Variants in CELF1 observed in about 807,000 individuals in gnomAD.
CELF1 encodes 50 kDa nuclear polyadenylated RNA-binding protein.
In CELF1, 10 loss-of-function variants were observed where a neutral mutation model predicts 61.8. The observed-to-expected ratio is 0.16, with a 90% CI of 0.10 to 0.27. The LOEUF is 0.27. Among genes scored for constraint, CELF1 ranks in the 10% least tolerant of loss-of-function variants. The pLI is 1.00. For missense variants in CELF1, 380 were observed against 639.1 expected (o/e 0.59, Z 4.37); for synonymous variants, 236 against 225.1 (o/e 1.05, Z -0.43).
chr11:47,478,037 C>T (rs563163751), intron 10 of CELF1, among the ~76,000 whole-genome samples: 2 of 151,804 alleles, frequency 1.3e-5, no homozygotes, highest in South Asian at 2.1e-4. Flanking sequence ...ACTGTGCTGT[C>T]GCTGCTGCAA....
Position 47,553,026 on chromosome 11 carries a change from T to TGCTGCCTGCGCCTCC in CELF1, c.-203_-189dup. On this transcript the variant is annotated 5_prime_UTR_variant, in exon 1 of 15. Transcript: ENST00000687097. ...CACCTGAGCCTGCCGCTGCCTCAGT[T>TGCTGCCTGCGCCTCC]GCTGCCTGCGCCTCCGCAGCCGCCG... is the stretch of plus-strand genomic sequence containing the variant. 2.5e-6 allele frequency: 1 copy of TGCTGCCTGCGCCTCC among 399,100 alleles called. No individual in the cohort carries two copies. The highest frequency in any genetic ancestry group is 4.4e-6 in the Non-Finnish European group (1 of 226,512). 24.7% of individuals were successfully genotyped at this position (399,100 alleles called of 1,614,324 possible).
intron 8 of CELF1, among the ~76,000 whole-genome samples, 172 bp from the exon 9 acceptor site, chr11:47,483,028 G>A (rs1324979756): frequency 6.6e-6 from 1 of 152,152 alleles, no homozygotes; most frequent in Non-Finnish European, 1.5e-5. Context: ...TTGGGAGGCT[G>A]AGGCGGGTGG....
In CELF1 at chr11:47,532,505, C is replaced by T. The variant is rs10160313; in HGVS notation, c.-154+20487G>A. ...AGGATGCTGTAGAAGGGATTCCTTC[C>T]ATGGATAGAAAGTTTCTCTGCATAA... On this transcript the variant is annotated intron_variant, in intron 1 of 14. Coordinates refer to ENST00000687097, the MANE Select transcript of CELF1 (RefSeq NM_001376376.1). Among the ~76,000 whole-genome samples, 100 of 152,336 alleles carry T rather than the reference C, an allele frequency of 6.6e-4. 3 individuals are homozygous for T. The East Asian group carries it at 0.018, about 28-fold the overall frequency.
chr11:47,469,025 G>T lies in CELF1; in HGVS notation c.*3205C>A, dbSNP rs1313836759. 6.6e-6 allele frequency: 1 copy of T among 152,242 alleles called. No individual in the cohort carries two copies. Among genetic ancestry groups the T allele is most frequent in the East Asian group, 1.9e-4 (1 of 5,202 alleles). 9.4% of individuals were successfully genotyped at this position (152,242 alleles called of 1,614,324 possible). ...AAATGAGGTGGGCGGGCAGGGGTTGGGTAATGACAGGGAACTTTTGCACAT... is the reference window on the plus strand; with the variant it reads ...AAATGAGGTGGGCGGGCAGGGGTTGTGTAATGACAGGGAACTTTTGCACAT... On this transcript the variant is annotated 3_prime_UTR_variant, in exon 15 of 15. Coordinates refer to ENST00000687097, the MANE Select transcript of CELF1 (RefSeq NM_001376376.1).
chr11:47,476,267 T>TA (rs1320147094), intron 12 of CELF1, among the ~76,000 whole-genome samples: 1 of 152,134 alleles, frequency 6.6e-6, no homozygotes. Flanking sequence ...GCTGGGACTA[T>TA]AGGTATGAGC....
At chr11:47,533,650 A>ACATACATG (rs1382969551) in intron 1 of CELF1, among the ~76,000 whole-genome samples, 2 of 151,288 alleles carry the variant, frequency 1.3e-5, no homozygotes, top group Non-Finnish European at 2.9e-5. Flanking sequence ...ATACATACAT[A>ACATACATG]CATACATAAA....
In CELF1 at chr11:47,477,378, C is replaced by T. The variant is rs1596175638; in HGVS notation, c.892G>A (p.Ala298Thr). ...LQNLAALAAA[A>T]SAAQNTPSGT... The stretch of plus-strand genomic sequence containing the variant: ...CTTGGTGTGTTCTGAGCTGCACTAG[C>T]TGCAGCAGCTAGTGCAGCCAAATTC... Residue 298 changes from alanine (A) to threonine (T), a missense_variant, in exon 11 of 15, where the codon GCT becomes ACT. Transcript: ENST00000687097. 6.2e-7 allele frequency: 1 copy of T among 1,612,768 alleles called. No homozygotes were observed. Among genetic ancestry groups the T allele is most frequent in the Non-Finnish European group, 8.5e-7 (1 of 1,178,780 alleles).
At chr11:47,512,455 T>C (rs1318238775) in intron 1 of CELF1, among the ~76,000 whole-genome samples, 1 of 139,814 alleles carries the variant, frequency 7.2e-6, no homozygotes, top group Non-Finnish European at 1.5e-5. Flanking sequence ...GCCCAGAATT[T>C]TTTTTTTTTT....
At chr11:47,548,564 G>A (rs918977501) in intron 1 of CELF1, among the ~76,000 whole-genome samples, 1 of 152,072 alleles carries the variant, frequency 6.6e-6, no homozygotes, top group Non-Finnish European at 1.5e-5. Flanking sequence ...CTAATAAGGG[G>A]TTAATATCCA....
intron 2 of CELF1, among the ~76,000 whole-genome samples, chr11:47,561,724 C>T (rs2097226158): frequency 6.6e-6 from 1 of 152,094 alleles, no homozygotes; most frequent in African/African-American, 2.4e-5. Context: ...TGCAAATGTT[C>T]CCAGCAGCAT....
intron 1 of CELF1, among the ~76,000 whole-genome samples, chr11:47,550,705 G>C (rs1565914639): frequency 6.6e-6 from 1 of 151,428 alleles, no homozygotes; most frequent in Non-Finnish European, 1.5e-5. Context: ...TTTTTATAGT[G>C]AATCTGTAAC....
chr11:47,510,299 T>A (rs993566985), intron 1 of CELF1, among the ~76,000 whole-genome samples: 1 of 152,214 alleles, frequency 6.6e-6, no homozygotes, highest in Non-Finnish European at 1.5e-5. Flanking sequence ...TACTGGCCTA[T>A]ACAGCTTGTA....
intron 1 of CELF1, among the ~76,000 whole-genome samples, chr11:47,507,918 CAG>C (rs1168567399): frequency 6.6e-6 from 1 of 151,120 alleles, no homozygotes; most frequent in Non-Finnish European, 1.5e-5. Flanking sequence ...AAAAAAAAAA[CAG>C]AACTTCCTAA....
intron 2 of CELF1, 85 bp from the exon 3 acceptor site, chr11:47,499,689 A>G: frequency 4.9e-6 from 3 of 610,082 alleles, no homozygotes; most frequent in South Asian, 3.9e-5. Context: ...GGACTGGGGA[A>G]GGGGTAGGGA....
chr11:47,487,414 A>G (rs2088122158), intron 4 of CELF1, among the ~76,000 whole-genome samples, 173 bp from the exon 5 acceptor site: 1 of 152,174 alleles, frequency 6.6e-6, no homozygotes, highest in Non-Finnish European at 1.5e-5. Context: ...GGAATAAGAG[A>G]TTATTTTCTA....
chr11:47,473,698 T>C (rs1170341460), intron 13 of CELF1, among the ~76,000 whole-genome samples: 2 of 152,146 alleles, frequency 1.3e-5, no homozygotes, highest in Non-Finnish European at 2.9e-5. Context: ...CTAGGGGTGA[T>C]GGAAATGTTC....
chr11:47,522,720 A>T lies in CELF1; in HGVS notation c.-153-21788T>A, dbSNP rs368576464. Among the ~76,000 whole-genome samples, 4 of 150,950 alleles carry T rather than the reference A, an allele frequency of 2.6e-5. No homozygotes were observed. In the East Asian group the frequency reaches 5.9e-4, roughly 22 times the overall value. ...CATGCGCTTGTAGTCGCAGCTACTC[A>T]GAGGCTGAGGCAGGAGAATTGCTTG... is the stretch of plus-strand genomic sequence containing the variant. On this transcript the variant is annotated intron_variant, in intron 1 of 14. Transcript: ENST00000687097.
intron 1 of CELF1, among the ~76,000 whole-genome samples, chr11:47,564,967 G>A (rs2097240114): frequency 6.6e-6 from 1 of 152,034 alleles, no homozygotes; most frequent in East Asian, 1.9e-4. Context: ...TCAGATGAAG[G>A]AGGGAGCCCT....
chr11:47,468,279 G>A lies in CELF1; in HGVS notation c.*3951C>T, dbSNP rs1306311860. On this transcript the variant is annotated 3_prime_UTR_variant, in exon 15 of 15. Transcript: ENST00000687097. ...GTGCAGCCTGCGGTCAAAAAGGAAA[G>A]GGGGTTCAGGTGCTCTCCGCAGTTG... is the stretch of plus-strand genomic sequence containing the variant. The A allele has an allele frequency of 6.6e-6, 1 of 152,194 alleles. No individual in the cohort carries two copies. The allele number at this position is 152,194 out of a possible 1,614,324, so 9.4% of individuals were successfully genotyped here.
Sources: allele counts gnomAD v4.1 joint callset (sites outside exome capture counted in the v4.1 genomes callset), GRCh38; gene constraint gnomAD v4.1.1; transcripts MANE v1.5; gene names NCBI Gene and HGNC (gene_info 2026-07-23, HGNC 2026-07-21).